TPPP2: variants seen among roughly 807,000 people sequenced by gnomAD.
The protein encoded by TPPP2 is tubulin polymerization promoting protein family member 2, also known as tubulin polymerization-promoting protein family member 2.
TPPP2 carries 8 observed loss-of-function variants against 13.0 expected under a neutral mutation model. That is an observed-to-expected ratio of 0.62 (90% confidence interval 0.36 to 1.11). The LOEUF is 1.11. Ranked by LOEUF, TPPP2 falls within the 50% of genes most tolerant of loss-of-function variation. TPPP2 has a pLI of 0.02. For missense variants in TPPP2, 213 were observed against 216.9 expected (o/e 0.98, Z 0.11); for synonymous variants, 81 against 81.8 (o/e 0.99, Z 0.05).
Position 21,030,689 on chromosome 14 carries a change from C to T in TPPP2, c.108C>T (p.Asp36=), listed in dbSNP as rs1884023198. 1 of 1,614,202 alleles carries T rather than the reference C, an allele frequency of 6.2e-7. No homozygotes were observed. The highest frequency in any genetic ancestry group is 8.5e-7 in the Non-Finnish European group (1 of 1,180,040). ...NNKNFSKLCK[D]CGIMDGKTVT... ...AGAACTTCTCCAAGCTGTGCAAAGACTGTGGCATCATGGATGGCAAGACAG... is the reference window on the plus strand; with the variant it reads ...AGAACTTCTCCAAGCTGTGCAAAGATTGTGGCATCATGGATGGCAAGACAG... Residue 36 remains aspartate (D), a synonymous_variant, in exon 2 of 4, where the codon GAC becomes GAT. Transcript: ENST00000321760.
downstream of TPPP2, chr14:21,033,320 G>A (rs1234319433): frequency 1.0e-5 from 3 of 300,798 alleles, no homozygotes; most frequent in Non-Finnish European, 1.9e-5. Context: ...TGAGTCTGAG[G>A]GCCTCAGGGA....
chr14:21,033,757 A>G (rs1250676762), downstream of TPPP2: 3 of 1,106,276 alleles, frequency 2.7e-6, no homozygotes, highest in Non-Finnish European at 2.8e-6. Flanking sequence ...TACAGGGATC[A>G]GAGTGTTGGA....
chr14:21,028,606 T>G (rs1883856447), upstream of TPPP2: 1 of 152,128 alleles, frequency 6.6e-6, no homozygotes, highest in Non-Finnish European at 1.5e-5. Flanking sequence ...AGCAAAAAGA[T>G]TTAGCAATGA....
chr14:21,024,517 A>C (rs1473683451), intron 1 of TPPP2: 1 of 985,214 alleles, frequency 1.0e-6, no homozygotes, highest in Non-Finnish European at 1.2e-6. Context: ...CAGTAAGAGG[A>C]GGGTAGCAGA....
upstream of TPPP2, chr14:21,025,591 G>A (rs191547840): frequency 5.2e-4 from 510 of 985,444 alleles, 1 homozygote; most frequent in African/African-American, 8.3e-3. The surrounding 1 kb of genome is among the most constrained non-coding windows in gnomAD (Gnocchi z 5.1). Context: ...GGCTGGCAGG[G>A]GCAGGTGTGC....
At chr14:21,035,013 T>C (rs545591329), downstream of TPPP2, among the ~76,000 whole-genome samples, 5 of 152,234 alleles carry the variant, frequency 3.3e-5, no homozygotes, top group African/African-American at 9.6e-5. Flanking sequence ...AAAGCACTGT[T>C]ATGTTTCTGA....
chr14:21,030,751 T>C lies in TPPP2; in HGVS notation c.170T>C (p.Val57Ala). 5 of 1,613,496 alleles carry C rather than the reference T, an allele frequency of 3.1e-6. No homozygotes were observed. The highest frequency in any genetic ancestry group is 4.2e-6 in the Non-Finnish European group (5 of 1,179,676). Reference protein sequence around the residue: ...STDVDIVFSKVKAKNARTITF... With the variant: ...STDVDIVFSKAKAKNARTITF... Reference sequence around the variant, plus strand: ...GACGTGGACATCGTGTTCAGCAAAGTCAAGTGAGGAGCCAAAAATATGGAG... The same window carrying C: ...GACGTGGACATCGTGTTCAGCAAAGCCAAGTGAGGAGCCAAAAATATGGAG... Residue 57 changes from valine to alanine, a missense_variant, in exon 2 of 4, where the codon GTC becomes GCC. Val to Ala is a moderately conservative substitution (Grantham distance 64). Coordinates refer to ENST00000321760, the MANE Select transcript of TPPP2 (RefSeq NM_173846.5).
chr14:21,033,349 T>A (rs868404151), downstream of TPPP2: 7 of 284,798 alleles, frequency 2.5e-5, no homozygotes, highest in South Asian at 1.0e-4. Context: ...TAGCTAGCCA[T>A]ATCCCCTGAG....
Position 21,025,043 on chromosome 14 carries a change from G to C in TPPP2, n.236+699G>C. 3.0e-6 allele frequency: 3 copies of C among 986,038 alleles called. No homozygotes were observed. Among genetic ancestry groups the C allele is most frequent in the Non-Finnish European group, 1.2e-6 (1 of 830,496 alleles). The allele number at this position is 986,038 out of a possible 1,614,324, so 61.1% of individuals were successfully genotyped here. On this transcript the variant is annotated intron_variant and non_coding_transcript_variant, in intron 1 of 1. Transcript: ENST00000533755. This position sits in a 1 kb window ranked among gnomAD's most constrained non-coding sequence, Gnocchi z 5.1. ...CCTCCCCCTACCTGCTGCCGCCGCGGCCGCTTCCACCTTCACTTGCCTTTG... is the reference window on the plus strand; with the variant it reads ...CCTCCCCCTACCTGCTGCCGCCGCGCCCGCTTCCACCTTCACTTGCCTTTG...
chr14:21,030,253 C>T lies in TPPP2; in HGVS notation c.-121C>T, dbSNP rs1009884540. 7.5e-6 allele frequency: 2 copies of T among 268,388 alleles called. No individual in the cohort carries two copies. Among genetic ancestry groups the T allele is most frequent in the Admixed American group, 4.8e-5 (1 of 20,896 alleles). The allele number at this position is 268,388 out of a possible 1,614,324, so 16.6% of individuals were successfully genotyped here. On this transcript the variant is annotated 5_prime_UTR_variant, in exon 1 of 4. Transcript: ENST00000321760. ...CAACCGGCTCCCACATATCTGCACA[C>T]ACTTAAATACAAAGGCCGGGAAGGG...
At chr14:21,024,613 C>T in intron 1 of TPPP2, 1 of 985,422 alleles carries the variant, frequency 1.0e-6, no homozygotes, top group South Asian at 4.7e-5. Flanking sequence ...CCGTGTAGGT[C>T]CCACGAGTGG....
chr14:21,025,702 C>T, upstream of TPPP2: 1 of 984,566 alleles, frequency 1.0e-6, no homozygotes, highest in Non-Finnish European at 1.2e-6. The surrounding 1 kb of genome is among the most constrained non-coding windows in gnomAD (Gnocchi z 5.1). Context: ...TGCGTCCCGA[C>T]GCCTGCTCTC....
chr14:21,034,052 C>G, downstream of TPPP2: 1 of 1,614,150 alleles, frequency 6.2e-7, no homozygotes, highest in Non-Finnish European at 8.5e-7. Flanking sequence ...GGATGGCCTT[C>G]CAAGGGGCAT....
upstream of TPPP2, among the ~76,000 whole-genome samples, chr14:21,027,726 C>T (rs1035951351): frequency 2.0e-5 from 3 of 152,190 alleles, no homozygotes; most frequent in Admixed American, 6.5e-5. Flanking sequence ...TTCTAGGGCC[C>T]TTTGCAAGAT....
intron 1 of TPPP2, chr14:21,024,985 G>A (rs1247893035): frequency 1.0e-5 from 10 of 985,500 alleles, no homozygotes; most frequent in African/African-American, 1.7e-5. Context: ...GGCCCGGCTG[G>A]CGCCTTCCAG....
At chr14:21,032,972 G>A (rs752984370), downstream of TPPP2, 57 of 456,060 alleles carry the variant, frequency 1.2e-4, no homozygotes, top group Admixed American at 1.3e-3. Context: ...TGTTCGATTA[G>A]AGCCGGGCCT....
At chr14:21,025,604 GCGCCGAA>G (rs1254064098), upstream of TPPP2, 52 of 985,476 alleles carry the variant, frequency 5.3e-5, no homozygotes, top group Non-Finnish European at 5.8e-5. This position sits in a 1 kb window ranked among gnomAD's most constrained non-coding sequence, Gnocchi z 5.1. Flanking sequence ...AGGTGTGCTG[GCGCCGAA>G]AGGGGGCACG....
chr14:21,026,888 G>T (rs1276101280), upstream of TPPP2, among the ~76,000 whole-genome samples: 3 of 152,294 alleles, frequency 2.0e-5, no homozygotes, highest in East Asian at 3.9e-4. Flanking sequence ...AGCCAAAGGT[G>T]CGCAAGACAG....
At chr14:21,025,300 C>T (rs1325897290), upstream of TPPP2, 3 of 952,278 alleles carry the variant, frequency 3.2e-6, no homozygotes, top group Non-Finnish European at 3.8e-6. This position sits in a 1 kb window ranked among gnomAD's most constrained non-coding sequence, Gnocchi z 5.1. Flanking sequence ...ATTCCACCAC[C>T]CCCTCCCCGC....
Sources: allele counts gnomAD v4.1 joint callset (sites outside exome capture counted in the v4.1 genomes callset), GRCh38; gene constraint gnomAD v4.1.1; non-coding constraint Gnocchi (gnomAD v3.1); transcripts MANE v1.5; gene names NCBI Gene and HGNC (gene_info 2026-07-23, HGNC 2026-07-21).